SHANK2: variants seen among roughly 807,000 people sequenced by gnomAD.
SHANK2 encodes SH3 and multiple ankyrin repeat domains 2, also known as SH3 and multiple ankyrin repeat domains protein 2.
SHANK2 carries 43 observed loss-of-function variants against 133.7 expected under a neutral mutation model. The observed-to-expected ratio is 0.32, with a 90% CI of 0.25 to 0.41. The LOEUF is 0.41. SHANK2 is among the 10% of genes least tolerant of loss of function. The probability of loss-of-function intolerance (pLI) is 1.00; values close to 1 mark genes in which losing one functional copy is unlikely to be tolerated. For missense variants in SHANK2, 1,994 were observed against 2,235.8 expected (o/e 0.89, Z 2.18); for synonymous variants, 1,017 against 952.8 (o/e 1.07, Z -1.24).
At chr11:70,492,208 TG>T in intron 22 of SHANK2, 126 bp downstream of exon 22, 2 of 1,377,988 alleles carry the variant, frequency 1.5e-6, no homozygotes, top group Non-Finnish European at 2.0e-6. Context: ...CACTTAGATT[TG>T]GGCCCCACCT....
chr11:71,149,413 A>G (rs1322820378), intron 2 of SHANK2, among the ~76,000 whole-genome samples: 3 of 152,198 alleles, frequency 2.0e-5, no homozygotes, highest in Non-Finnish European at 4.4e-5. Flanking sequence ...TTTGCCCTCT[A>G]GAAACTCACA....
intron 14 of SHANK2, among the ~76,000 whole-genome samples, chr11:70,717,434 T>C (rs1945962178): frequency 6.6e-6 from 1 of 152,198 alleles, no homozygotes; most frequent in Non-Finnish European, 1.5e-5. Context: ...GATCTGAGGC[T>C]ATATCTTTAT....
At chr11:70,549,686 A>C (rs1270291060) in intron 17 of SHANK2, among the ~76,000 whole-genome samples, 1 of 152,174 alleles carries the variant, frequency 6.6e-6, no homozygotes, top group East Asian at 1.9e-4. Context: ...TGTCCCTGGG[A>C]TGGGACGAAT....
chr11:70,736,572 G>A (rs560058816), intron 14 of SHANK2, among the ~76,000 whole-genome samples: 9 of 152,306 alleles, frequency 5.9e-5, no homozygotes, highest in African/African-American at 1.7e-4. Context: ...GAGCCACCAG[G>A]AGGTGGACGA....
intron 2 of SHANK2, among the ~76,000 whole-genome samples, chr11:71,197,249 C>A (rs980885418): frequency 1.3e-5 from 2 of 152,102 alleles, no homozygotes; most frequent in Non-Finnish European, 2.9e-5. Context: ...TCCTTCCCCC[C>A]AGTGTCCGGC....
Position 70,504,265 on chromosome 11 carries a change from G to A in SHANK2, c.2062-1334C>T, listed in dbSNP as rs368165757. On this transcript the variant is annotated intron_variant, in intron 17 of 25. Coordinates refer to ENST00000601538, the MANE Select transcript of SHANK2 (RefSeq NM_012309.5). ...AAACTTAAAGCCTGTGTGCTGCTTG[G>A]TGGATTTTCACAAATCCAACATCCC... Among the ~76,000 whole-genome samples, 204 of 130,858 alleles carry A rather than the reference G, an allele frequency of 1.6e-3. 1 individual carries two copies. Among genetic ancestry groups the A allele is most frequent in the African/African-American group, 5.0e-3 (200 of 39,766 alleles). The allele number at this position is 130,858 out of a possible 152,430, so 85.8% of individuals were successfully genotyped here.
chr11:70,862,369 C>A (rs1172386185), intron 11 of SHANK2, among the ~76,000 whole-genome samples: 1 of 152,184 alleles, frequency 6.6e-6, no homozygotes, highest in Non-Finnish European at 1.5e-5. Flanking sequence ...GAATGTGGAG[C>A]CTGGCTGGGA....
intron 5 of SHANK2, among the ~76,000 whole-genome samples, chr11:71,111,285 G>A (rs561079411): frequency 8.5e-5 from 13 of 152,278 alleles, no homozygotes; most frequent in African/African-American, 2.9e-4. Context: ...AGTGAGGCCC[G>A]CAGATTGGTA....
At chr11:70,894,257 G>A (rs571022013) in intron 11 of SHANK2, among the ~76,000 whole-genome samples, 4 of 152,126 alleles carry the variant, frequency 2.6e-5, no homozygotes, top group East Asian at 1.9e-4. Flanking sequence ...GTGCAGTCTC[G>A]GCTCACTGCA....
Position 71,086,828 on chromosome 11 carries a change from G to A in SHANK2, c.912+5594C>T, listed in dbSNP as rs970301511. ...CCCGCACCCATCCCTTATCTGCTCC[G>A]TCCCTTATCATCTGATAGGCACAAG... is the stretch of plus-strand genomic sequence containing the variant. On this transcript the variant is annotated intron_variant, in intron 8 of 25. Transcript: ENST00000601538. Among the ~76,000 whole-genome samples the A allele has an allele frequency of 9.2e-5, 14 of 152,240 alleles. No individual in the cohort carries two copies. The East Asian group carries it at 1.5e-3, about 17-fold the overall frequency.
At chr11:71,171,351 G>C (rs1953310161) in intron 2 of SHANK2, among the ~76,000 whole-genome samples, 1 of 152,176 alleles carries the variant, frequency 6.6e-6, no homozygotes. Context: ...AGGTGATGGC[G>C]TAAGTCACTC....
intron 15 of SHANK2, among the ~76,000 whole-genome samples, chr11:70,685,630 C>G (rs1373775722): frequency 2.0e-5 from 3 of 152,172 alleles, no homozygotes; most frequent in Admixed American, 2.0e-4. Flanking sequence ...TCTTTGTAAT[C>G]CTAAGCATGG....
At chr11:70,620,572 C>A (rs2136449602) in intron 17 of SHANK2, among the ~76,000 whole-genome samples, 1 of 147,892 alleles carries the variant, frequency 6.8e-6, no homozygotes, top group South Asian at 2.1e-4. Context: ...TGGGTTGTTG[C>A]ATTAAGGCTT....
At chr11:70,853,353 T>C (rs1375929644) in intron 11 of SHANK2, among the ~76,000 whole-genome samples, 1 of 152,122 alleles carries the variant, frequency 6.6e-6, no homozygotes, top group Non-Finnish European at 1.5e-5. Flanking sequence ...GGAGAGGGTG[T>C]GAGTCACAGC....
At chr11:70,940,587 C>G (rs144183949) in intron 10 of SHANK2, among the ~76,000 whole-genome samples, 1 of 152,012 alleles carries the variant, frequency 6.6e-6, no homozygotes. Context: ...AAAGGCATCT[C>G]TCCCATTACC....
At chr11:70,879,012 T>A (rs546422623) in intron 11 of SHANK2, among the ~76,000 whole-genome samples, 36 of 152,312 alleles carry the variant, frequency 2.4e-4, no homozygotes, top group African/African-American at 8.4e-4. Context: ...TTCCTGAGGC[T>A]ACGTATCTTC....
At chr11:70,652,401 C>T in intron 17 of SHANK2, among the ~76,000 whole-genome samples, 1 of 152,202 alleles carries the variant, frequency 6.6e-6, no homozygotes, top group Admixed American at 6.5e-5. Context: ...TGGTAACAAA[C>T]ATCAGTCATT....
chr11:70,885,105 AC>A (rs1555073150), intron 11 of SHANK2, among the ~76,000 whole-genome samples: 2 of 152,148 alleles, frequency 1.3e-5, no homozygotes, highest in Non-Finnish European at 2.9e-5. Context: ...ATGTTATACA[AC>A]ACTTTTTCTA....
Position 70,487,726 on chromosome 11 carries a change from A to G in SHANK2, c.2573-6T>C. On this transcript the variant is annotated splice_region_variant and splice_polypyrimidine_tract_variant and intron_variant, in intron 24 of 25. Coordinates refer to ENST00000601538, the MANE Select transcript of SHANK2 (RefSeq NM_012309.5). This position sits in a 1 kb window ranked among gnomAD's most constrained non-coding sequence, Gnocchi z 5.8. ...CCGCTCTTCCTCTGTTATTCCTACA[A>G]GCAGAAAACAGGTTTAGCTTTAAGT... The G allele has an allele frequency of 6.4e-7, 1 of 1,553,648 alleles. No individual in the cohort carries two copies.
Sources: gnomAD v4.1 joint callset for allele counts (sites outside exome capture counted in the v4.1 genomes callset) on GRCh38, gnomAD v4.1.1 for gene constraint, Gnocchi (gnomAD v3.1) non-coding constraint, MANE v1.5 for transcripts, NCBI Gene and HGNC (gene_info 2026-07-23, HGNC 2026-07-21) for gene names.